SH3D19: variants seen among roughly 807,000 people sequenced by gnomAD.
The protein encoded by SH3D19 is SH3 domain-containing protein 19.
In SH3D19, 58 loss-of-function variants were observed where a neutral mutation model predicts 112.1. That is an observed-to-expected ratio of 0.52 (90% CI 0.42 to 0.64). SH3D19 has a LOEUF of 0.64. Among genes scored for constraint, SH3D19 ranks in the 30% least tolerant of loss-of-function variants. The pLI is 0.00. For missense variants in SH3D19, 1,090 were observed against 1,263.4 expected, an observed-to-expected ratio of 0.86 and a Z score of 2.08; for synonymous variants, 391 against 448.5, an observed-to-expected ratio of 0.87 and a Z score of 1.62.
At chr4:151,284,261 A>G (rs1314149463) in intron 1 of SH3D19, among the ~76,000 whole-genome samples, 1 of 152,058 alleles carries the variant, frequency 6.6e-6, no homozygotes, top group Admixed American at 6.6e-5. Context: ...TTTTATTTTT[A>G]TGTTTTTCTC....
intron 1 of SH3D19, among the ~76,000 whole-genome samples, chr4:151,246,450 G>C (rs187012071): frequency 1.3e-5 from 2 of 152,192 alleles, no homozygotes; most frequent in Non-Finnish European, 2.9e-5. Context: ...ACCATTGGTA[G>C]GAGTGGGTAT....
At chr4:151,233,122 A>C (rs1486926058) in intron 1 of SH3D19, among the ~76,000 whole-genome samples, 1 of 151,776 alleles carries the variant, frequency 6.6e-6, no homozygotes, top group African/African-American at 2.4e-5. Context: ...CCTTATGAGA[A>C]TCTAATGTCT....
chr4:151,134,882 C>A (rs1194658857), intron 15 of SH3D19, among the ~76,000 whole-genome samples, 192 bp downstream of exon 15: 2 of 152,178 alleles, frequency 1.3e-5, no homozygotes, highest in African/African-American at 4.8e-5. Context: ...GAGATGGGTT[C>A]TTGCTATGTG....
At chr4:151,277,372 G>C (rs769705190) in intron 1 of SH3D19, 5 of 478,468 alleles carry the variant, frequency 1.0e-5, no homozygotes, top group African/African-American at 2.0e-5. Context: ...TATATACCCA[G>C]CACCATTCCA....
rs1057065990 is a variant in SH3D19, at chr4:151,127,777, A to AT, written c.2930-63dup. The AT allele has an allele frequency of 1.4e-4, 131 of 952,482 alleles. 1 individual carries two copies. The highest frequency in any genetic ancestry group is 3.8e-4 in the East Asian group (13 of 34,360). The allele number at this position is 952,482 out of a possible 1,614,324, so 59.0% of individuals were successfully genotyped here. A position where few individuals can be genotyped will look rare whatever the true frequency, so the allele number is the denominator to read the frequency against. On this transcript the variant is annotated intron_variant, in intron 18 of 19. Transcript: ENST00000604030. ...CAGTGGACTAAAACACAAATCTAAC[A>AT]TTTTTTAAAAAAAAACGCTTATCGC...
intron 2 of SH3D19, among the ~76,000 whole-genome samples, chr4:151,191,943 C>A (rs1353613983): frequency 3.3e-5 from 1 of 30,714 alleles, no homozygotes; most frequent in Admixed American, 3.7e-4. Flanking sequence ...CCACACCCAG[C>A]CCTTTTTTTT....
intron 1 of SH3D19, among the ~76,000 whole-genome samples, chr4:151,312,923 A>G (rs1416473047): frequency 6.7e-6 from 1 of 150,192 alleles, no homozygotes; most frequent in Non-Finnish European, 1.5e-5. Context: ...AATAAATAAA[A>G]TAAATAAATA....
At chr4:151,150,207 ATATAT>A (rs1434490482) in intron 9 of SH3D19, among the ~76,000 whole-genome samples, 1 of 23,722 alleles carries the variant, frequency 4.2e-5, no homozygotes, top group African/African-American at 1.1e-4. Context: ...AAAAAAAAAA[ATATAT>A]ATATATATAT....
At position 151,144,050 on chromosome 4, in the gene SH3D19, G is replaced by A. The variant is rs146575678; in HGVS notation, c.2083C>T (p.Arg695Cys). The change falls in exon 12 of 20, where the codon CGT (arginine) becomes TGT (cysteine). Residue 695 changes from arginine to cysteine, a missense_variant and splice_region_variant. Arg to Cys is a radical substitution (Grantham distance 180). Transcript: ENST00000604030. The part of the protein sequence containing the change: ...PGHPLYSKYM[R>C]GDVLVMLKQT... ...TTCAGCATCACAAGTACATCCCCAC[G>A]CTGCAAGGTACAATACCACTCTCTG... 3.4e-4 allele frequency: 550 copies of A among 1,612,960 alleles called. 4 individuals carry two copies. In the African/African-American group the frequency reaches 6.6e-3, roughly 19 times the overall value.
chr4:151,256,794 T>C (rs1771961486), intron 1 of SH3D19, among the ~76,000 whole-genome samples: 1 of 151,664 alleles, frequency 6.6e-6, no homozygotes, highest in African/African-American at 2.4e-5. Flanking sequence ...GGCTGGAGTG[T>C]AGTGGTGCTG....
chr4:151,175,624 CAGACG>C lies in SH3D19; in HGVS notation c.575_579del (p.Ser192TrpfsTer14). 1 of 1,313,820 alleles carries C rather than the reference CAGACG, an allele frequency of 7.6e-7. No individual in the cohort carries two copies. Among genetic ancestry groups the C allele is most frequent in the Non-Finnish European group, 9.6e-7 (1 of 1,037,862 alleles). The allele number at this position is 1,313,820 out of a possible 1,614,324, so 81.4% of individuals were successfully genotyped here. On this transcript the variant is annotated frameshift_variant, in exon 7 of 20. Coordinates refer to ENST00000604030, the MANE Select transcript of SH3D19 (RefSeq NM_001378122.1). LOFTEE classifies it high-confidence loss of function. Reference sequence around the variant, plus strand: ...GGTGCCACATTTGTTGGAAGATTGCCAGACGAGACTGCTGAGAAAGGCTGAAGAGG... The same window carrying C: ...GGTGCCACATTTGTTGGAAGATTGCCAGACTGCTGAGAAAGGCTGAAGAGG...
chr4:151,207,845 T>C (rs1469399962), intron 2 of SH3D19, among the ~76,000 whole-genome samples: 2 of 152,214 alleles, frequency 1.3e-5, no homozygotes, highest in Non-Finnish European at 2.9e-5. Context: ...GCAATTGTAG[T>C]TTCTTATGAC....
At chr4:151,137,914 T>A (rs747123264) in intron 13 of SH3D19, 52 bp from the exon 14 acceptor site, 2 of 1,501,458 alleles carry the variant, frequency 1.3e-6, no homozygotes, top group East Asian at 4.8e-5. Context: ...GTTGCAGATT[T>A]GATAAAAGCA....
At chr4:151,181,302 G>A (rs553922448) in intron 3 of SH3D19, among the ~76,000 whole-genome samples, 3 of 152,092 alleles carry the variant, frequency 2.0e-5, no homozygotes, top group Non-Finnish European at 4.4e-5. Flanking sequence ...TCTGAACAAG[G>A]AGGCTGTCAA....
At chr4:151,324,819 G>GA (rs1442206269) in intron 1 of SH3D19, among the ~76,000 whole-genome samples, 1 of 152,042 alleles carries the variant, frequency 6.6e-6, no homozygotes, top group East Asian at 1.9e-4. Context: ...AAGGGACGCC[G>GA]AAACAGGACT....
chr4:151,138,418 G>A (rs1456167504), intron 13 of SH3D19, among the ~76,000 whole-genome samples: 3 of 152,132 alleles, frequency 2.0e-5, no homozygotes, highest in Middle Eastern at 3.4e-3. Context: ...TATATTGTGC[G>A]TGGGCATGGG....
At chr4:151,238,144 T>C (rs775485317) in intron 1 of SH3D19, among the ~76,000 whole-genome samples, 5 of 152,228 alleles carry the variant, frequency 3.3e-5, no homozygotes, top group Non-Finnish European at 7.3e-5. Context: ...CCCTCATTCC[T>C]AGTTCATCAT....
chr4:151,215,104 A>C lies in SH3D19; in HGVS notation c.152+10943T>G, dbSNP rs549699858. Reference sequence around the variant, plus strand: ...CGGGCAGAGACGCTCCTCACTTCCTAGCTAACTTTTAAATTTTATGTTGCC... The same window carrying C: ...CGGGCAGAGACGCTCCTCACTTCCTCGCTAACTTTTAAATTTTATGTTGCC... On this transcript the variant is annotated intron_variant, in intron 2 of 19. Transcript: ENST00000604030. Among the ~76,000 whole-genome samples the C allele has an allele frequency of 1.7e-4, 26 of 152,178 alleles. No individual in the cohort carries two copies. In the East Asian group the frequency reaches 5.0e-3, roughly 30 times the overall value.
chr4:151,216,483 A>G (rs922545626), intron 2 of SH3D19, among the ~76,000 whole-genome samples: 7 of 152,202 alleles, frequency 4.6e-5, no homozygotes, highest in African/African-American at 1.7e-4. Context: ...AGAACTGTAT[A>G]AACAACTACT....
Sources: allele counts gnomAD v4.1 joint callset (sites outside exome capture counted in the v4.1 genomes callset), GRCh38; gene constraint gnomAD v4.1.1; transcripts MANE v1.5; gene names NCBI Gene and HGNC (gene_info 2026-07-23, HGNC 2026-07-21).